DLGAP2: variants seen among roughly 807,000 people sequenced by gnomAD.
The protein encoded by DLGAP2 is disks large-associated protein 2.
DLGAP2 carries 26 observed loss-of-function variants against 100.3 expected under a neutral mutation model. The observed-to-expected ratio is 0.26, with a 90% CI of 0.19 to 0.36. The LOEUF (loss-of-function observed/expected upper bound fraction) is 0.36. Among genes scored for constraint, DLGAP2 ranks in the 10% least tolerant of loss-of-function variants. The pLI is 1.00. For synonymous variants in DLGAP2, 886 were observed against 630.1 expected (o/e 1.41, Z -6.08); for missense variants, 1,858 against 1,453.2 (o/e 1.28, Z -4.53).
intron 8 of DLGAP2, 126 bp downstream of exon 8, chr8:1,633,172 C>A: frequency 4.7e-6 from 4 of 860,106 alleles, no homozygotes; most frequent in Non-Finnish European, 7.2e-6. Context: ...AGTAACGTTT[C>A]CTAATTGCAT....
chr8:1,105,480 T>G (rs914666028), intron 2 of DLGAP2, among the ~76,000 whole-genome samples: 20 of 151,852 alleles, frequency 1.3e-4, no homozygotes, highest in Non-Finnish European at 2.6e-4. Flanking sequence ...TCTCTGATGG[T>G]GGGAGATGCA....
intron 1 of DLGAP2, among the ~76,000 whole-genome samples, chr8:804,180 A>G (rs1033980495): frequency 6.6e-6 from 1 of 152,174 alleles, no homozygotes; most frequent in Non-Finnish European, 1.5e-5. Context: ...ATATTTGTTT[A>G]ATAATAGATT....
chr8:1,122,535 A>G (rs6988678), intron 2 of DLGAP2, among the ~76,000 whole-genome samples: 152,252 of 152,344 alleles, frequency 1, 76,080 homozygotes, highest in Middle Eastern at 1. Flanking sequence ...TTCTTTTATC[A>G]TAAACTGTTT....
intron 1 of DLGAP2, among the ~76,000 whole-genome samples, chr8:755,827 C>T (rs190989068): frequency 4.1e-4 from 62 of 152,324 alleles, no homozygotes; most frequent in African/African-American, 1.4e-3. Context: ...GGCTGGGAAG[C>T]CAGGATTCTG....
chr8:1,407,849 G>A lies in DLGAP2; in HGVS notation c.107-93517G>A, dbSNP rs565257625. Reference sequence around the variant, plus strand: ...CGCCACCTCCTCATCCTCCGGAGTCGTGTATTGAGTGCTTACTGAGCACCA... The same window carrying A: ...CGCCACCTCCTCATCCTCCGGAGTCATGTATTGAGTGCTTACTGAGCACCA... On this transcript the variant is annotated intron_variant, in intron 3 of 14. Coordinates refer to ENST00000637795, the MANE Select transcript of DLGAP2 (RefSeq NM_001346810.2). Among the ~76,000 whole-genome samples the A allele has an allele frequency of 1.8e-3, 280 of 152,008 alleles. 1 individual carries two copies. The highest frequency in any genetic ancestry group is 2.7e-3 in the South Asian group (13 of 4,742).
At chr8:939,047 G>A (rs1448183759) in intron 2 of DLGAP2, among the ~76,000 whole-genome samples, 4 of 152,222 alleles carry the variant, frequency 2.6e-5, no homozygotes, top group Admixed American at 1.3e-4. Flanking sequence ...GCGGGATCAC[G>A]GCCCCTGCCT....
chr8:1,648,859 T>G (rs1340981617), intron 8 of DLGAP2, among the ~76,000 whole-genome samples: 2 of 152,168 alleles, frequency 1.3e-5, no homozygotes, highest in African/African-American at 2.4e-5. Context: ...CATAGAAATC[T>G]CTGAAAAGAA....
At chr8:1,267,635 A>AAAATAAAATAAAAT (rs1563052144) in intron 3 of DLGAP2, among the ~76,000 whole-genome samples, 1 of 112,978 alleles carries the variant, frequency 8.9e-6, no homozygotes, top group Admixed American at 8.8e-5. Flanking sequence ...AATATTAAAT[A>AAAATAAAATAAAAT]GGTCTACAAA....
chr8:905,367 G>A (rs1798356478), intron 1 of DLGAP2, among the ~76,000 whole-genome samples: 1 of 152,120 alleles, frequency 6.6e-6, no homozygotes, highest in African/African-American at 2.4e-5. Context: ...AATGGACAGT[G>A]CACAGCTGCC....
intron 5 of DLGAP2, among the ~76,000 whole-genome samples, chr8:1,564,710 A>T (rs1802326209): frequency 6.6e-6 from 1 of 152,116 alleles, no homozygotes; most frequent in Admixed American, 6.5e-5. Flanking sequence ...CAGATATATA[A>T]CATTCATGGT....
At chr8:984,284 CA>C (rs944804633) in intron 2 of DLGAP2, among the ~76,000 whole-genome samples, 8 of 152,290 alleles carry the variant, frequency 5.3e-5, no homozygotes, top group Admixed American at 3.9e-4. Context: ...CTGAGCTGGT[CA>C]AAATCTCTCT....
intron 1 of DLGAP2, among the ~76,000 whole-genome samples, chr8:815,072 A>G (rs1305308074): frequency 6.6e-6 from 1 of 152,180 alleles, no homozygotes; most frequent in Non-Finnish European, 1.5e-5. Context: ...ATTAGAAGCT[A>G]AAGAAGGAGG....
chr8:1,645,082 G>T (rs760199313), intron 8 of DLGAP2, among the ~76,000 whole-genome samples: 9 of 152,356 alleles, frequency 5.9e-5, no homozygotes, highest in East Asian at 1.9e-4. Context: ...GTGACAGCAA[G>T]ACCATGTCTC....
chr8:1,455,015 C>G (rs1798266529), intron 3 of DLGAP2, among the ~76,000 whole-genome samples: 1 of 152,166 alleles, frequency 6.6e-6, no homozygotes, highest in South Asian at 2.1e-4. Context: ...GCACTGTCAG[C>G]TACATCTTGG....
At chr8:854,171 G>C (rs928025683) in intron 1 of DLGAP2, among the ~76,000 whole-genome samples, 1 of 152,154 alleles carries the variant, frequency 6.6e-6, no homozygotes, top group Non-Finnish European at 1.5e-5. Context: ...CAGCCACATA[G>C]ACTAAGACCC....
At chr8:1,227,181 A>ATATATATATATATATATATATAGTATAGG (rs1563265066) in intron 2 of DLGAP2, among the ~76,000 whole-genome samples, 2 of 127,710 alleles carry the variant, frequency 1.6e-5, no homozygotes, top group African/African-American at 7.2e-5. Flanking sequence ...TATAGTATAG[A>ATATATATATATATATATATATAGTATAGG]TATATATTAT....
chr8:830,042 T>C lies in DLGAP2; in HGVS notation c.19-77870T>C, dbSNP rs143986228. On this transcript the variant is annotated intron_variant, in intron 1 of 14. Coordinates refer to ENST00000637795, the MANE Select transcript of DLGAP2 (RefSeq NM_001346810.2). ...TTTGGACTTAAAATATTTCAAAAGATGTGGAGATTTTTAAAGATCTTCATT... is the reference window on the plus strand; with the variant it reads ...TTTGGACTTAAAATATTTCAAAAGACGTGGAGATTTTTAAAGATCTTCATT... Among the ~76,000 whole-genome samples, 329 of 152,360 alleles carry C rather than the reference T, an allele frequency of 2.2e-3. 1 individual carries two copies. Among genetic ancestry groups the C allele is most frequent in the African/African-American group, 6.8e-3 (284 of 41,592 alleles).
intron 3 of DLGAP2, among the ~76,000 whole-genome samples, chr8:1,390,590 C>T (rs935569068): frequency 2.6e-5 from 4 of 152,138 alleles, no homozygotes; most frequent in Admixed American, 2.6e-4. Flanking sequence ...TGCGTGCCGC[C>T]TCCCTTGCCT....
intron 6 of DLGAP2, among the ~76,000 whole-genome samples, chr8:1,615,107 C>A (rs971553800): frequency 6.6e-6 from 1 of 152,318 alleles, no homozygotes; most frequent in South Asian, 2.1e-4. Context: ...GGGGTCAGAA[C>A]AGAAGGGATG....
Sources: gnomAD v4.1 joint callset for allele counts (sites outside exome capture counted in the v4.1 genomes callset) on GRCh38, gnomAD v4.1.1 for gene constraint, MANE v1.5 for transcripts, NCBI Gene and HGNC (gene_info 2026-07-23, HGNC 2026-07-21) for gene names.